Variants in SDK1 observed in about 807,000 individuals in gnomAD.
SDK1 encodes the protein sidekick cell adhesion molecule 1, also known as protein sidekick-1.
SDK1 carries 157 observed loss-of-function variants against 245.5 expected under a neutral mutation model. The observed-to-expected ratio is 0.64, with a 90% CI of 0.56 to 0.73. The LOEUF (loss-of-function observed/expected upper bound fraction) is 0.73. Ranked by LOEUF, SDK1 falls within the 30% of genes least tolerant of loss-of-function variation. The pLI, the probability that SDK1 is intolerant of heterozygous loss-of-function variation, is 0.00. For missense variants in SDK1, 3,583 were observed against 3,002.3 expected (o/e 1.19, Z -4.52); for synonymous variants, 1,647 against 1,278.5 (o/e 1.29, Z -6.15).
chr7:4,220,975 A>G (rs1369549452), intron 39 of SDK1, among the ~76,000 whole-genome samples: 1 of 150,224 alleles, frequency 6.7e-6, no homozygotes, highest in Non-Finnish European at 1.5e-5. Context: ...TGTAGAGACA[A>G]GTTTTTGCAA....
In SDK1 at chr7:4,268,909, T is replaced by TCTCATTAAAAGAAAAAAAGAAACAA; in HGVS notation, c.*3528_*3552dup. On this transcript the variant is annotated 3_prime_UTR_variant, in exon 45 of 45. Coordinates refer to ENST00000404826, the MANE Select transcript of SDK1 (RefSeq NM_152744.4). ...TTCTGAAATTGTGCAGAAAAACAGA[T>TCTCATTAAAAGAAAAAAAGAAACAA]CTCATTAAAAGAAAAAAAGAAACAA... The TCTCATTAAAAGAAAAAAAGAAACAA allele has an allele frequency of 2.6e-6, 1 of 387,378 alleles. No individual in the cohort carries two copies. The highest frequency in any genetic ancestry group is 2.1e-5 in the African/African-American group (1 of 47,584). 24.0% of individuals were successfully genotyped at this position (387,378 alleles called of 1,614,324 possible). A position where few individuals can be genotyped will look rare whatever the true frequency, so the allele number is the denominator to read the frequency against.
At chr7:4,091,278 G>A (rs1781771913) in intron 22 of SDK1, among the ~76,000 whole-genome samples, 2 of 149,792 alleles carry the variant, frequency 1.3e-5, no homozygotes, top group South Asian at 4.2e-4. Flanking sequence ...GGGGCATTCT[G>A]TCTCACAGTG....
At chr7:3,456,951 T>C (rs1780687707) in intron 1 of SDK1, among the ~76,000 whole-genome samples, 1 of 152,156 alleles carries the variant, frequency 6.6e-6, no homozygotes, top group African/African-American at 2.4e-5. Flanking sequence ...TGGGTGTCTT[T>C]TGTTCATCTG....
chr7:4,080,999 A>C (rs950960054), intron 22 of SDK1, among the ~76,000 whole-genome samples: 2 of 152,234 alleles, frequency 1.3e-5, no homozygotes, highest in African/African-American at 4.8e-5. Context: ...CAATTCTACT[A>C]TTAAAATCCA....
chr7:3,703,141 G>T (rs1413965604), intron 4 of SDK1, among the ~76,000 whole-genome samples: 2 of 151,102 alleles, frequency 1.3e-5, no homozygotes, highest in Admixed American at 1.3e-4. Flanking sequence ...ATGAAAACCT[G>T]TGTCTACACA....
intron 20 of SDK1, among the ~76,000 whole-genome samples, chr7:4,070,117 G>C (rs1045100937): frequency 2.0e-5 from 3 of 152,194 alleles, no homozygotes; most frequent in African/African-American, 7.2e-5. Context: ...GTTAATATGC[G>C]CTAACAATTA....
intron 38 of SDK1, among the ~76,000 whole-genome samples, chr7:4,216,161 T>C (rs983177967): frequency 1.3e-5 from 2 of 152,154 alleles, no homozygotes; most frequent in Non-Finnish European, 2.9e-5. Context: ...GAACTCTCTG[T>C]TGAATGTGGG....
chr7:3,588,046 G>A (rs1041769843), intron 1 of SDK1, among the ~76,000 whole-genome samples: 4 of 152,172 alleles, frequency 2.6e-5, no homozygotes, highest in African/African-American at 9.7e-5. Context: ...AATGTAGTAG[G>A]GATGTTCAGC....
chr7:3,590,375 A>G (rs1222883041), intron 1 of SDK1, among the ~76,000 whole-genome samples: 2 of 150,900 alleles, frequency 1.3e-5, no homozygotes, highest in Non-Finnish European at 2.9e-5. Flanking sequence ...GCAAAGACAA[A>G]TTATGGATAA....
intron 1 of SDK1, among the ~76,000 whole-genome samples, chr7:3,588,523 C>T (rs986659666): frequency 1.3e-5 from 2 of 152,168 alleles, no homozygotes; most frequent in Non-Finnish European, 2.9e-5. Context: ...GTTGAATGTG[C>T]TGGACAGGTG....
intron 2 of SDK1, among the ~76,000 whole-genome samples, chr7:3,634,773 A>G (rs1188448442): frequency 6.6e-6 from 1 of 152,204 alleles, no homozygotes; most frequent in African/African-American, 2.4e-5. Context: ...GAGACATTAG[A>G]CTAAAGAGAT....
At chr7:4,207,186 C>T (rs1052033624) in intron 36 of SDK1, among the ~76,000 whole-genome samples, 4 of 152,142 alleles carry the variant, frequency 2.6e-5, no homozygotes, top group African/African-American at 7.2e-5. Flanking sequence ...GGCGGGTGTG[C>T]GAGGCAGGCG....
chr7:4,224,970 G>A (rs927822098), intron 40 of SDK1, among the ~76,000 whole-genome samples: 2 of 111,282 alleles, frequency 1.8e-5, no homozygotes, highest in Non-Finnish European at 3.4e-5. Context: ...GCAACAGAGT[G>A]AGACTCTGTC....
chr7:4,007,687 C>G (rs960679536), intron 14 of SDK1, among the ~76,000 whole-genome samples: 5 of 152,134 alleles, frequency 3.3e-5, no homozygotes, highest in African/African-American at 1.2e-4. Flanking sequence ...TCCCTACAAC[C>G]TCCGCCTCCC....
At chr7:3,800,550 T>A (rs1271853293) in intron 4 of SDK1, among the ~76,000 whole-genome samples, 6 of 151,938 alleles carry the variant, frequency 3.9e-5, no homozygotes, top group African/African-American at 1.5e-4. Flanking sequence ...CCCGGCTAAT[T>A]TTTTGTATTT....
At chr7:3,888,513 G>A (rs1055981417) in intron 5 of SDK1, among the ~76,000 whole-genome samples, 9 of 152,194 alleles carry the variant, frequency 5.9e-5, no homozygotes, top group Non-Finnish European at 1.0e-4. Context: ...ATGGTGATGC[G>A]TTAATAGACT....
intron 1 of SDK1, among the ~76,000 whole-genome samples, chr7:3,416,504 C>T (rs1243877108): frequency 6.7e-6 from 1 of 148,518 alleles, no homozygotes; most frequent in African/African-American, 2.5e-5. Flanking sequence ...GGGGTGGAGG[C>T]CTGCAGAAAG....
chr7:3,774,424 C>T (rs1562433589), intron 4 of SDK1, among the ~76,000 whole-genome samples: 1 of 152,088 alleles, frequency 6.6e-6, no homozygotes, highest in Non-Finnish European at 1.5e-5. Context: ...TACCAAGGCT[C>T]CTGCAAACCG....
chr7:4,252,607 C>T lies in SDK1; in HGVS notation c.6381+6802C>T, dbSNP rs910901465. ...ATCTATACTTATAAGGGATATAGGT[C>T]TGTAGTTTACTTGTCTTATTTATCT... On this transcript the variant is annotated intron_variant, in intron 44 of 44. Transcript: ENST00000404826. Among the ~76,000 whole-genome samples, 48 of 152,128 alleles carry T rather than the reference C, an allele frequency of 3.2e-4. 1 individual carries two copies. The highest frequency in any genetic ancestry group is 3.4e-3 in the Middle Eastern group (1 of 294).
Sources: gnomAD v4.1 joint callset for allele counts (sites outside exome capture counted in the v4.1 genomes callset) on GRCh38, gnomAD v4.1.1 for gene constraint, MANE v1.5 for transcripts, NCBI Gene and HGNC (gene_info 2026-07-23, HGNC 2026-07-21) for gene names.